The following SPOCK3 variants were observed in gnomAD, a reference collection of about 807,000 sequenced individuals.
SPOCK3 encodes SPARC (osteonectin), cwcv and kazal like domains proteoglycan 3.
SPOCK3 carries 30 observed loss-of-function variants against 56.6 expected under a neutral mutation model. The observed-to-expected ratio is 0.53, with a 90% confidence interval of 0.40 to 0.72. The LOEUF (loss-of-function observed/expected upper bound fraction) is 0.72, where lower values mean the gene tolerates loss of function less well. SPOCK3 is among the 30% of genes least tolerant of loss of function. SPOCK3 has a pLI of 0.00. For synonymous variants in SPOCK3, 196 were observed against 183.3 expected (o/e 1.07, Z -0.56); for missense variants, 527 against 530.0 (o/e 0.99, Z 0.06).
chr4:167,164,839 T>C (rs1038644993), intron 2 of SPOCK3, among the ~76,000 whole-genome samples: 15 of 152,170 alleles, frequency 9.9e-5, no homozygotes, highest in African/African-American at 7.2e-5. Flanking sequence ...CAGTCTATCA[T>C]TGATGGGCAT....
chr4:166,888,762 CA>C (rs1255298119), intron 6 of SPOCK3, among the ~76,000 whole-genome samples: 1 of 151,886 alleles, frequency 6.6e-6, no homozygotes, highest in African/African-American at 2.4e-5. Flanking sequence ...CAGATCTGAT[CA>C]AACCACTTAA....
chr4:166,852,940 T>C (rs1730282111), intron 6 of SPOCK3, among the ~76,000 whole-genome samples: 1 of 152,210 alleles, frequency 6.6e-6, no homozygotes. Flanking sequence ...GTATATGAAC[T>C]GCCTGTAAAA....
At chr4:167,065,054 A>AT (rs1199538927) in intron 2 of SPOCK3, among the ~76,000 whole-genome samples, 4 of 150,264 alleles carry the variant, frequency 2.7e-5, no homozygotes, top group Admixed American at 2.0e-4. Flanking sequence ...AAAAAAAAAA[A>AT]AAAAAAGTCA....
rs569372858 is a variant in SPOCK3, at chr4:167,222,680, TA to T, written c.189+11304del. On this transcript the variant is annotated intron_variant, in intron 2 of 10. Coordinates refer to ENST00000357545, the MANE Select transcript of SPOCK3 (RefSeq NM_001040159.2). ...AAATATATAAACATAGATATATATT[TA>T]TATATGAATATATAAACATATAAAC... Among the ~76,000 whole-genome samples the T allele has an allele frequency of 4.5e-3, 574 of 127,930 alleles. 7 individuals carry two copies. The highest frequency in any genetic ancestry group is 0.016 in the African/African-American group (555 of 34,464). 83.9% of individuals were successfully genotyped at this position (127,930 alleles called of 152,430 possible). A position where few individuals can be genotyped will look rare whatever the true frequency, so the allele number is the denominator to read the frequency against.
At chr4:166,845,548 G>A (rs565247539) in intron 6 of SPOCK3, among the ~76,000 whole-genome samples, 1 of 152,100 alleles carries the variant, frequency 6.6e-6, no homozygotes, top group Admixed American at 6.6e-5. Context: ...TTTTGAAGTA[G>A]TTTCTATTTT....
chr4:167,154,397 A>G lies in SPOCK3; in HGVS notation c.189+79588T>C, dbSNP rs546022727. On this transcript the variant is annotated intron_variant, in intron 2 of 10. Coordinates refer to ENST00000357545, the MANE Select transcript of SPOCK3 (RefSeq NM_001040159.2). Reference sequence around the variant, plus strand: ...TCAGAGGCCCCAGCGCAAAGCATACATGCAGAATGAGTGTGGTCAGCAACC... The same window carrying G: ...TCAGAGGCCCCAGCGCAAAGCATACGTGCAGAATGAGTGTGGTCAGCAACC... 2.6e-5 allele frequency among the ~76,000 whole-genome samples: 4 copies of G among 152,232 alleles called. No homozygotes were observed. The East Asian group carries it at 7.7e-4, about 29-fold the overall frequency.
chr4:167,082,334 T>C (rs1325032957), intron 2 of SPOCK3, among the ~76,000 whole-genome samples: 3 of 152,128 alleles, frequency 2.0e-5, no homozygotes, highest in South Asian at 4.1e-4. Flanking sequence ...CCAAATCTTT[T>C]ACAGAAGTTG....
intron 2 of SPOCK3, among the ~76,000 whole-genome samples, chr4:167,190,174 T>C (rs1297778125): frequency 6.8e-6 from 1 of 146,204 alleles, no homozygotes; most frequent in Non-Finnish European, 1.5e-5. Context: ...AACTCTGTTT[T>C]TAATTTTTTG....
chr4:166,782,098 T>A (rs907968905), intron 7 of SPOCK3, among the ~76,000 whole-genome samples: 1 of 152,160 alleles, frequency 6.6e-6, no homozygotes, highest in Non-Finnish European at 1.5e-5. Context: ...TTGTTTGTTT[T>A]GGGAACATTC....
At chr4:166,787,585 C>T (rs556033684) in intron 7 of SPOCK3, among the ~76,000 whole-genome samples, 19 of 152,014 alleles carry the variant, frequency 1.2e-4, no homozygotes, top group African/African-American at 3.6e-4. Context: ...CACAAACAAG[C>T]GTTTTTATAC....
intron 4 of SPOCK3, among the ~76,000 whole-genome samples, chr4:166,938,778 A>G (rs1322539055): frequency 6.6e-6 from 1 of 152,172 alleles, no homozygotes; most frequent in Non-Finnish European, 1.5e-5. Flanking sequence ...TAATCATACT[A>G]TACATATATA....
intron 7 of SPOCK3, among the ~76,000 whole-genome samples, chr4:166,766,980 G>T (rs1415907785): frequency 6.6e-6 from 1 of 152,164 alleles, no homozygotes; most frequent in African/African-American, 2.4e-5. Context: ...TTGTGTAGAG[G>T]TGTTTATAGT....
chr4:166,808,355 A>C (rs1579288487), intron 6 of SPOCK3, among the ~76,000 whole-genome samples: 1 of 152,046 alleles, frequency 6.6e-6, no homozygotes, highest in Non-Finnish European at 1.5e-5. Flanking sequence ...TGTATCTGCA[A>C]ATAGGGTCTC....
chr4:167,077,932 T>G lies in SPOCK3; in HGVS notation c.190-15395A>C, dbSNP rs532277037. 8.5e-4 allele frequency among the ~76,000 whole-genome samples: 129 copies of G among 152,044 alleles called. 2 individuals are homozygous for G. Among genetic ancestry groups the G allele is most frequent in the Non-Finnish European group, 7.4e-4 (50 of 67,918 alleles). Reference sequence around the variant, plus strand: ...TGGCTTTAATTTAACAAATTATTCCTTTAACACCTTTATGCCATACCATGG... The same window carrying G: ...TGGCTTTAATTTAACAAATTATTCCGTTAACACCTTTATGCCATACCATGG... On this transcript the variant is annotated intron_variant, in intron 2 of 10. Coordinates refer to ENST00000357545, the MANE Select transcript of SPOCK3 (RefSeq NM_001040159.2).
At chr4:167,076,108 G>A (rs897677150) in intron 2 of SPOCK3, among the ~76,000 whole-genome samples, 1 of 151,860 alleles carries the variant, frequency 6.6e-6, no homozygotes, top group Non-Finnish European at 1.5e-5. Context: ...GTAAAACTAT[G>A]GAGGCATGAA....
At chr4:166,876,277 C>T (rs544493676) in intron 6 of SPOCK3, among the ~76,000 whole-genome samples, 217 of 152,198 alleles carry the variant, frequency 1.4e-3, no homozygotes, top group Non-Finnish European at 2.4e-3. Flanking sequence ...AACTGCTTTC[C>T]TACATACCGC....
At chr4:167,088,461 C>CTTTT (rs538566191) in intron 2 of SPOCK3, among the ~76,000 whole-genome samples, 21 of 111,110 alleles carry the variant, frequency 1.9e-4, no homozygotes, top group African/African-American at 3.1e-4. Flanking sequence ...CCTATGAAAA[C>CTTTT]TTTTTTTTTT....
chr4:166,955,049 T>C (rs1743232226), intron 4 of SPOCK3, among the ~76,000 whole-genome samples: 1 of 152,180 alleles, frequency 6.6e-6, no homozygotes, highest in East Asian at 1.9e-4. Flanking sequence ...TGTTAACTCT[T>C]GGTTCAAGGT....
At chr4:166,942,453 C>A (rs1239946626) in intron 4 of SPOCK3, among the ~76,000 whole-genome samples, 2 of 148,712 alleles carry the variant, frequency 1.3e-5, no homozygotes, top group Non-Finnish European at 3.0e-5. Flanking sequence ...TTGTGATCTA[C>A]CTGCCTTGGC....
Sources: gnomAD v4.1 joint callset for allele counts (sites outside exome capture counted in the v4.1 genomes callset) on GRCh38, gnomAD v4.1.1 for gene constraint, MANE v1.5 for transcripts, NCBI Gene and HGNC (gene_info 2026-07-23, HGNC 2026-07-21) for gene names.